CCDC141: variants seen among roughly 807,000 people sequenced by gnomAD.
CCDC141 encodes the protein coiled-coil domain containing 141, also known as coiled-coil domain-containing protein 141.
A neutral mutation model predicts 181.0 loss-of-function variants in CCDC141; 168 were observed. The ratio of observed to expected loss-of-function variants is 0.93; its 90% CI spans 0.82 to 1.05. The LOEUF is 1.05. Ranked by LOEUF, CCDC141 falls within the 50% of genes least tolerant of loss-of-function variation. The pLI is 0.00. For synonymous variants in CCDC141, 666 were observed against 642.3 expected, an observed-to-expected ratio of 1.04 and a Z score of -0.56; for missense variants, 1,902 against 1,788.5, an observed-to-expected ratio of 1.06 and a Z score of -1.14.
chr2:178,900,949 A>T (rs1047447891), intron 8 of CCDC141, among the ~76,000 whole-genome samples: 4 of 152,160 alleles, frequency 2.6e-5, no homozygotes, highest in Non-Finnish European at 4.4e-5. Context: ...TGATTGCATT[A>T]GTTCATTGCC....
chr2:179,037,689 G>A lies in CCDC141; in HGVS notation c.225+9595C>T, dbSNP rs536563220. On this transcript the variant is annotated intron_variant, in intron 2 of 23. Coordinates refer to ENST00000443758, the MANE Select transcript of CCDC141 (RefSeq NM_173648.4). ...CAACGTGCTTTAAAAGTGGACAAAG[G>A]ATTTGAATAGATATTTCACCAAAAA... Among the ~76,000 whole-genome samples, 20 of 152,154 alleles carry A rather than the reference G, an allele frequency of 1.3e-4. 1 individual carries two copies. In the South Asian group the frequency reaches 3.7e-3, roughly 28 times the overall value.
chr2:179,015,101 TATAATATATATATAATC>T (rs1267979639), intron 2 of CCDC141, among the ~76,000 whole-genome samples: 5,426 of 36,208 alleles, frequency 0.15, 919 homozygotes, highest in Non-Finnish European at 0.29. Flanking sequence ...TATATATATA[TATAATATATATATAATC>T]ATATATATAT....
At chr2:178,855,005 G>A (rs756982857) in intron 19 of CCDC141, among the ~76,000 whole-genome samples, 5 of 152,096 alleles carry the variant, frequency 3.3e-5, no homozygotes, top group Admixed American at 6.5e-5. Flanking sequence ...ACCATTCTGA[G>A]CATTTTAAAC....
Position 178,903,311 on chromosome 2 carries a change from T to A in CCDC141, c.1265+2018A>T, listed in dbSNP as rs1687795841. On this transcript the variant is annotated intron_variant, in intron 8 of 23. Coordinates refer to ENST00000443758, the MANE Select transcript of CCDC141 (RefSeq NM_173648.4). Reference sequence around the variant, plus strand: ...TGCTATAAAGACACATGCACACGTATGTTTACTGTGGCACTATTCACAATA... The same window carrying A: ...TGCTATAAAGACACATGCACACGTAAGTTTACTGTGGCACTATTCACAATA... Among the ~76,000 whole-genome samples, 5 of 151,932 alleles carry A rather than the reference T, an allele frequency of 3.3e-5. No individual in the cohort carries two copies. In the South Asian group the frequency reaches 1.1e-3, roughly 32 times the overall value.
At chr2:178,828,182 C>T (rs150668657), downstream of CCDC141, among the ~76,000 whole-genome samples, 2 of 152,210 alleles carry the variant, frequency 1.3e-5, no homozygotes, top group East Asian at 3.9e-4. Context: ...CATGTAGAAA[C>T]ATTTTATTGT....
intron 6 of CCDC141, among the ~76,000 whole-genome samples, chr2:178,940,354 T>C (rs971519009): frequency 6.6e-6 from 1 of 152,174 alleles, no homozygotes; most frequent in African/African-American, 2.4e-5. Flanking sequence ...CTGTATAAAC[T>C]AGATGCAAAC....
intron 2 of CCDC141, among the ~76,000 whole-genome samples, chr2:178,984,442 C>G (rs1011983342): frequency 2.0e-5 from 3 of 151,710 alleles, no homozygotes; most frequent in Non-Finnish European, 4.4e-5. Context: ...ATCATAATGA[C>G]AGGATCAAAT....
At chr2:178,824,158 A>G in the CCDC141 span, among the ~76,000 whole-genome samples, 1,820 of 152,216 alleles carry the variant, frequency 0.012, 30 homozygotes, top group African/African-American at 0.036. Flanking sequence ...GGCATGTAAC[A>G]CACTCTGCTA....
chr2:178,889,781 A>G (rs900851491), intron 8 of CCDC141, among the ~76,000 whole-genome samples: 1 of 152,184 alleles, frequency 6.6e-6, no homozygotes, highest in Non-Finnish European at 1.5e-5. Flanking sequence ...ACTATGAGTA[A>G]TCTTATTCCT....
chr2:178,972,662 C>T (rs114909050), intron 4 of CCDC141, among the ~76,000 whole-genome samples: 462 of 152,212 alleles, frequency 3.0e-3, no homozygotes, highest in Middle Eastern at 0.024. Context: ...GTAAGTAATC[C>T]GGAAACCATA....
intron 4 of CCDC141, among the ~76,000 whole-genome samples, chr2:178,973,973 C>T (rs1691012444): frequency 6.6e-6 from 1 of 152,058 alleles, no homozygotes; most frequent in African/African-American, 2.4e-5. Context: ...TTTTTATAAT[C>T]CCTATTAGTG....
chr2:178,939,828 T>G (rs1405186760), intron 6 of CCDC141, among the ~76,000 whole-genome samples: 1 of 152,070 alleles, frequency 6.6e-6, no homozygotes, highest in African/African-American at 2.4e-5. Context: ...TCAACTGCAC[T>G]TAGGGGTATC....
chr2:178,889,848 C>T (rs1458300202), intron 8 of CCDC141, among the ~76,000 whole-genome samples: 9 of 152,098 alleles, frequency 5.9e-5, no homozygotes, highest in Admixed American at 3.3e-4. Context: ...CATTTTAATA[C>T]GTAGAGACAG....
intron 2 of CCDC141, among the ~76,000 whole-genome samples, chr2:179,008,137 G>A (rs2042165316): frequency 6.6e-6 from 1 of 152,154 alleles, no homozygotes; most frequent in Non-Finnish European, 1.5e-5. Flanking sequence ...TAAATAGATA[G>A]GCTTTAGGCT....
chr2:178,844,120 G>A (rs1255361045), intron 22 of CCDC141, among the ~76,000 whole-genome samples: 1 of 152,022 alleles, frequency 6.6e-6, no homozygotes, highest in Non-Finnish European at 1.5e-5. Flanking sequence ...AATTATTTTT[G>A]TTTGCTTTGG....
chr2:178,846,118 T>C (rs1181328280), intron 21 of CCDC141, among the ~76,000 whole-genome samples: 1 of 152,098 alleles, frequency 6.6e-6, no homozygotes, highest in African/African-American at 2.4e-5. Flanking sequence ...ATTAAAGATC[T>C]CTAGGGGAGA....
chr2:178,869,255 A>G lies in CCDC141; in HGVS notation c.2256T>C (p.Thr752=). 2.5e-6 allele frequency: 4 copies of G among 1,613,518 alleles called. No homozygotes were observed. Among genetic ancestry groups the G allele is most frequent in the Non-Finnish European group, 3.4e-6 (4 of 1,179,728 alleles). ...QYIMKESEEL[T]GRGAPVKEKS... is the part of the protein sequence containing the mutation. ...TTTCTTTTACAGGGGCTCCTCTGCC[A>G]GTTAACTCCTCTGATTCTTTCATAA... Residue 752 remains threonine, a synonymous_variant, in exon 15 of 24, where the codon ACT becomes ACC. Transcript: ENST00000443758.
intron 12 of CCDC141, 62 bp downstream of exon 12, chr2:178,877,902 T>C: frequency 6.8e-7 from 1 of 1,473,150 alleles, no homozygotes; most frequent in Non-Finnish European, 9.5e-7. Context: ...CCTTTGAAAT[T>C]ATTATTTTGA....
At chr2:178,818,972 C>T in the CCDC141 span, among the ~76,000 whole-genome samples, 2 of 152,142 alleles carry the variant, frequency 1.3e-5, 1 homozygote, top group East Asian at 3.8e-4. Flanking sequence ...CCACTTTCCT[C>T]ACATATAAGG....
Sources: allele counts gnomAD v4.1 joint callset (sites outside exome capture counted in the v4.1 genomes callset), GRCh38; gene constraint gnomAD v4.1.1; transcripts MANE v1.5; gene names NCBI Gene and HGNC (gene_info 2026-07-23, HGNC 2026-07-21).